The following MCTP2 variants were observed in gnomAD, a reference collection of about 807,000 sequenced individuals.
MCTP2 encodes multiple C2 and transmembrane domain containing 2, also known as multiple C2 and transmembrane domain-containing protein 2.
In MCTP2, 132 loss-of-function variants were observed where a neutral mutation model predicts 111.6. The ratio of observed to expected loss-of-function variants is 1.18; its 90% CI spans 1.03 to 1.37. MCTP2 has a LOEUF of 1.37. Among genes scored for constraint, MCTP2 ranks in the 40% most tolerant of loss-of-function variants. MCTP2 has a pLI of 0.00. For missense variants in MCTP2, 1,183 were observed against 1,067.9 expected (o/e 1.11, Z -1.50); for synonymous variants, 395 against 387.7 (o/e 1.02, Z -0.22).
intron 7 of MCTP2, chr15:94,343,176 G>A (rs938206973): frequency 6.6e-6 from 1 of 151,802 alleles, no homozygotes; most frequent in Non-Finnish European, 1.5e-5. Flanking sequence ...AATTTATTCT[G>A]GGCCATGTGT....
intron 1 of MCTP2, among the ~76,000 whole-genome samples, chr15:94,276,899 C>T (rs865956916): frequency 2.4e-5 from 3 of 124,988 alleles, no homozygotes; most frequent in African/African-American, 6.2e-5. Flanking sequence ...AGGAATATTA[C>T]GAGGATGGTT....
chr15:94,365,317 T>G (rs572806267), intron 10 of MCTP2, among the ~76,000 whole-genome samples: 1 of 152,328 alleles, frequency 6.6e-6, no homozygotes, highest in Non-Finnish European at 1.5e-5. Flanking sequence ...AGGACTCTAA[T>G]ATCTAAACTA....
intron 19 of MCTP2, among the ~76,000 whole-genome samples, chr15:94,443,372 C>A (rs1222201948): frequency 6.6e-6 from 1 of 152,208 alleles, no homozygotes; most frequent in Non-Finnish European, 1.5e-5. Context: ...CTGTTCCTGG[C>A]AGCGTTTTCA....
rs561188805 is a variant in MCTP2 at position 94,417,057 on chromosome 15, G to C, written c.2085+15038G>C. Among the ~76,000 whole-genome samples, 68 of 152,232 alleles carry C rather than the reference G, an allele frequency of 4.5e-4. No homozygotes were observed. The South Asian group carries it at 0.014, about 32-fold the overall frequency. ...CTGCTATGAAAGTGTGACTTTAATT[G>C]ATTTTTCAGGGCAAACAGGTGGTGA... On this transcript the variant is annotated intron_variant, in intron 17 of 22. Transcript: ENST00000357742.
At chr15:94,309,042 C>T (rs1019339547) in intron 2 of MCTP2, among the ~76,000 whole-genome samples, 9 of 152,082 alleles carry the variant, frequency 5.9e-5, no homozygotes, top group Admixed American at 5.9e-4. Flanking sequence ...ATTTATACAC[C>T]TTGATTGTAT....
Position 94,298,523 on chromosome 15 carries a change from G to A in MCTP2, c.258G>A (p.Gly86=). The A allele has an allele frequency of 6.2e-7, 1 of 1,614,150 alleles. No individual in the cohort carries two copies. The change falls in exon 2 of 23, where the codon GGG becomes GGA. Residue 86 remains glycine, a synonymous_variant. Coordinates refer to ENST00000357742, the MANE Select transcript of MCTP2 (RefSeq NM_001385001.1). ...TSVPSSLSTA[G]IFPKSSSSSL... The stretch of plus-strand genomic sequence containing the variant: ...TGCCCAGCAGTCTGTCCACTGCAGG[G>A]ATCTTTCCCAAGAGCAGCAGTAGCT...
intron 8 of MCTP2, among the ~76,000 whole-genome samples, chr15:94,347,873 G>A (rs1376376729): frequency 6.7e-6 from 1 of 148,180 alleles, no homozygotes; most frequent in African/African-American, 2.5e-5. Flanking sequence ...CACATATTCT[G>A]TCTCTCTCTC....
chr15:94,363,537 C>A (rs1174337279), intron 10 of MCTP2, among the ~76,000 whole-genome samples: 1 of 152,030 alleles, frequency 6.6e-6, no homozygotes, highest in Non-Finnish European at 1.5e-5. Context: ...TCTCCGAAAA[C>A]CTTGATGGAG....
At chr15:94,361,032 C>G (rs2152429080) in intron 10 of MCTP2, among the ~76,000 whole-genome samples, 1 of 137,866 alleles carries the variant, frequency 7.3e-6, no homozygotes, top group Middle Eastern at 5.2e-3. Context: ...ATGTACATCA[C>G]TGACATGCTA....
At chr15:94,385,851 A>G (rs535082063) in intron 14 of MCTP2, among the ~76,000 whole-genome samples, 6 of 152,272 alleles carry the variant, frequency 3.9e-5, no homozygotes, top group East Asian at 3.9e-4. Flanking sequence ...CTGATTTTCT[A>G]TTTATTAATG....
At chr15:94,446,515 T>C (rs995727179) in intron 19 of MCTP2, among the ~76,000 whole-genome samples, 1 of 152,212 alleles carries the variant, frequency 6.6e-6, no homozygotes, top group African/African-American at 2.4e-5. Flanking sequence ...AAGAAACTAT[T>C]GTGTAAAATG....
chr15:94,325,857 G>T lies in MCTP2; in HGVS notation c.637+10220G>T, dbSNP rs567594016. ...TTTTTTTGAGACGGAGTCTTGGTCT[G>T]TTGCCAGGCTGGAGTACAGTGGCGC... On this transcript the variant is annotated intron_variant, in intron 4 of 22. Transcript: ENST00000357742. Among the ~76,000 whole-genome samples, 12 of 119,640 alleles carry T rather than the reference G, an allele frequency of 1.0e-4. No individual in the cohort carries two copies. In the Admixed American group the frequency reaches 1.2e-3, roughly 12 times the overall value. The allele number at this position is 119,640 out of a possible 152,430, so 78.5% of individuals were successfully genotyped here.
intron 17 of MCTP2, among the ~76,000 whole-genome samples, chr15:94,431,957 C>A (rs1013681101): frequency 2.6e-5 from 4 of 152,090 alleles, no homozygotes; most frequent in African/African-American, 9.7e-5. Context: ...TTCTTATTTT[C>A]TTGTCTCAAA....
chr15:94,266,969 G>A (rs930436537), intron 1 of MCTP2, among the ~76,000 whole-genome samples: 5 of 152,228 alleles, frequency 3.3e-5, no homozygotes, highest in African/African-American at 7.2e-5. Context: ...CTGGGCTGGC[G>A]AAGACAGGAA....
At chr15:94,462,521 A>T (rs1258735591) in intron 20 of MCTP2, among the ~76,000 whole-genome samples, 1 of 152,232 alleles carries the variant, frequency 6.6e-6, no homozygotes, top group Non-Finnish European at 1.5e-5. Context: ...TCTATGATAA[A>T]TGGGGAAAGA....
chr15:94,345,150 TTAAG>T lies in MCTP2; in HGVS notation c.993_996del (p.Ser332ProfsTer6), dbSNP rs761581370. 1 of 1,612,746 alleles carries T rather than the reference TTAAG, an allele frequency of 6.2e-7. No homozygotes were observed. Among genetic ancestry groups the T allele is most frequent in the South Asian group, 1.1e-5 (1 of 91,002 alleles). On this transcript the variant is annotated frameshift_variant, in exon 8 of 23. Coordinates refer to ENST00000357742, the MANE Select transcript of MCTP2 (RefSeq NM_001385001.1). LOFTEE classifies it high-confidence loss of function. ...TTAGCGTTGGTCAAATCGGAAGCGA[TTAAG>T]TGCCAGCAAGGTAAATATACTTTTT... is the stretch of plus-strand genomic sequence containing the variant.
In MCTP2 at chr15:94,322,301, A is replaced by ATT. The variant is rs200050113; in HGVS notation, c.637+6676_637+6677dup. ...CCAATTGCACAGCCCCTGTTTTTGA[A>ATT]TTTTTTTTTTTTTAGGGAGAAAAGC... On this transcript the variant is annotated intron_variant, in intron 4 of 22. Transcript: ENST00000357742. Among the ~76,000 whole-genome samples the ATT allele has an allele frequency of 4.0e-3, 594 of 148,388 alleles. 5 individuals carry two copies. The highest frequency in any genetic ancestry group is 0.028 in the Middle Eastern group (8 of 286).
chr15:94,459,274 A>G (rs1391850695), intron 20 of MCTP2, among the ~76,000 whole-genome samples: 4 of 152,208 alleles, frequency 2.6e-5, no homozygotes, highest in Non-Finnish European at 4.4e-5. Context: ...AAACAGATTA[A>G]AAGTGGTGCT....
chr15:94,384,428 G>A (rs1437223463), intron 13 of MCTP2, among the ~76,000 whole-genome samples: 1 of 152,126 alleles, frequency 6.6e-6, no homozygotes, highest in East Asian at 1.9e-4. Flanking sequence ...TAAGGAAATG[G>A]AGACCTGCCT....
Sources: allele counts gnomAD v4.1 joint callset (sites outside exome capture counted in the v4.1 genomes callset), GRCh38; gene constraint gnomAD v4.1.1; transcripts MANE v1.5; gene names NCBI Gene and HGNC (gene_info 2026-07-23, HGNC 2026-07-21).